KAZN: variants seen among roughly 807,000 people sequenced by gnomAD.
KAZN encodes the protein kazrin, periplakin interacting protein.
KAZN carries 40 observed loss-of-function variants against 87.4 expected under a neutral mutation model. The observed-to-expected ratio is 0.46, with a 90% CI of 0.36 to 0.60. The LOEUF (loss-of-function observed/expected upper bound fraction) is 0.60. Among genes scored for constraint, KAZN ranks in the 20% least tolerant of loss-of-function variants. KAZN has a pLI of 0.00. For missense variants in KAZN, 898 were observed against 1,073.9 expected, an observed-to-expected ratio of 0.84 and a Z score of 2.29; for synonymous variants, 466 against 458.3, an observed-to-expected ratio of 1.02 and a Z score of -0.22.
chr1:14,796,277 C>T (rs947397339), intron 1 of KAZN, among the ~76,000 whole-genome samples: 1 of 152,220 alleles, frequency 6.6e-6, no homozygotes, highest in Non-Finnish European at 1.5e-5. Context: ...CACCCTCTCC[C>T]CACCCACACC....
chr1:14,962,539 T>C (rs554405772), intron 2 of KAZN, among the ~76,000 whole-genome samples: 1 of 152,260 alleles, frequency 6.6e-6, no homozygotes, highest in Admixed American at 6.5e-5. Context: ...TCCTGTAATA[T>C]CCATTCTCCT....
chr1:14,082,961 C>T (rs748060272), intron 1 of KAZN, among the ~76,000 whole-genome samples: 3 of 152,106 alleles, frequency 2.0e-5, no homozygotes, highest in Non-Finnish European at 4.4e-5. Context: ...TTTGGGAGGC[C>T]GAGGCGGGTG....
intron 1 of KAZN, among the ~76,000 whole-genome samples, chr1:14,958,867 G>A (rs529674407): frequency 3.0e-4 from 45 of 152,308 alleles, no homozygotes; most frequent in Non-Finnish European, 5.7e-4. Context: ...TCCGTGCAGA[G>A]GGTGGGACGG....
intron 1 of KAZN, among the ~76,000 whole-genome samples, chr1:14,878,798 T>TCTGGAA (rs1325149011): frequency 6.6e-6 from 1 of 152,164 alleles, no homozygotes; most frequent in Non-Finnish European, 1.5e-5. Context: ...TCCCAGTTGC[T>TCTGGAA]CTGGGAACAC....
chr1:14,826,539 G>A (rs746955502), intron 1 of KAZN, among the ~76,000 whole-genome samples: 2 of 152,168 alleles, frequency 1.3e-5, no homozygotes, highest in African/African-American at 4.8e-5. Context: ...CTGATGGCCC[G>A]TTCCCCATGG....
chr1:14,596,257 T>C (rs1676501132), upstream of KAZN, among the ~76,000 whole-genome samples: 1 of 152,100 alleles, frequency 6.6e-6, no homozygotes, highest in Non-Finnish European at 1.5e-5. Flanking sequence ...TAAATTACTG[T>C]TTCTTCTGCT....
chr1:15,046,260 T>C (rs1009344737), intron 4 of KAZN, among the ~76,000 whole-genome samples: 6 of 141,520 alleles, frequency 4.2e-5, no homozygotes, highest in South Asian at 2.2e-4. Context: ...GTCAAGCCGC[T>C]GCACTCCAGC....
intron 2 of KAZN, among the ~76,000 whole-genome samples, chr1:15,010,690 C>T (rs532533930): frequency 2.1e-3 from 314 of 152,214 alleles, no homozygotes; most frequent in Non-Finnish European, 3.6e-3. Flanking sequence ...ACTCCCGGCC[C>T]GTCTTGCTTT....
In KAZN at chr1:15,082,663, T is replaced by C. The variant is rs564361981; in HGVS notation, c.1223-11517T>C. Among the ~76,000 whole-genome samples the C allele has an allele frequency of 1.4e-4, 21 of 152,254 alleles. 1 individual carries two copies. Among genetic ancestry groups the C allele is most frequent in the African/African-American group, 5.1e-4 (21 of 41,546 alleles). ...TGGGCATAGGAGAATTTACAAGGCC[T>C]TTACCTCTAAGCCTCTGCAGTTTGT... On this transcript the variant is annotated intron_variant, in intron 8 of 14. Coordinates refer to ENST00000376030, the MANE Select transcript of KAZN (RefSeq NM_201628.3).
intron 1 of KAZN, among the ~76,000 whole-genome samples, chr1:14,027,120 C>T (rs1025942472): frequency 2.0e-5 from 3 of 152,210 alleles, no homozygotes; most frequent in South Asian, 2.1e-4. Flanking sequence ...GACAGCATAT[C>T]GTATTTCAAA....
chr1:14,587,269 C>T (rs1055791324), intron 2 of KAZN, among the ~76,000 whole-genome samples: 1 of 151,868 alleles, frequency 6.6e-6, no homozygotes, highest in African/African-American at 2.4e-5. Flanking sequence ...AACCCCATCT[C>T]TACTAAAAAT....
intron 1 of KAZN, among the ~76,000 whole-genome samples, chr1:13,995,247 G>A (rs1639459903): frequency 7.8e-6 from 1 of 128,244 alleles, no homozygotes; most frequent in African/African-American, 2.8e-5. Flanking sequence ...CCTAATGATT[G>A]GGAAAAAAGA....
intron 1 of KAZN, among the ~76,000 whole-genome samples, chr1:14,040,314 T>A (rs1334968881): frequency 6.6e-6 from 1 of 152,096 alleles, no homozygotes; most frequent in Non-Finnish European, 1.5e-5. Flanking sequence ...AAGGCCAGGC[T>A]GAATTAGGTG....
At chr1:14,513,586 A>G (rs1019025314) in intron 2 of KAZN, among the ~76,000 whole-genome samples, 3 of 152,226 alleles carry the variant, frequency 2.0e-5, no homozygotes, top group Non-Finnish European at 4.4e-5. Context: ...ATGAAATAGA[A>G]GAATTGCAAA....
intron 1 of KAZN, among the ~76,000 whole-genome samples, chr1:13,983,346 A>G (rs534829016): frequency 6.6e-6 from 1 of 152,346 alleles, no homozygotes; most frequent in East Asian, 1.9e-4. Flanking sequence ...AATCCAGCGC[A>G]GTGCCGGTGG....
chr1:14,672,897 C>G lies in KAZN; in HGVS notation c.226+73674C>G, dbSNP rs1044772600. 6.1e-4 allele frequency among the ~76,000 whole-genome samples: 93 copies of G among 152,310 alleles called. 1 individual carries two copies. Among genetic ancestry groups the G allele is most frequent in the Non-Finnish European group, 4.4e-5 (3 of 68,026 alleles). Reference sequence around the variant, plus strand: ...AGCCTTCTCCGAGATCTGTCTGATGCCCTCTTCTCTGAGCCACAAGCTTCT... The same window carrying G: ...AGCCTTCTCCGAGATCTGTCTGATGGCCTCTTCTCTGAGCCACAAGCTTCT... On this transcript the variant is annotated intron_variant, in intron 1 of 14. Transcript: ENST00000376030.
intron 2 of KAZN, among the ~76,000 whole-genome samples, chr1:14,290,554 G>A (rs1047801226): frequency 2.0e-5 from 3 of 152,144 alleles, no homozygotes; most frequent in Non-Finnish European, 2.9e-5. Flanking sequence ...TCTCTACACT[G>A]TTTGTTCTAG....
At position 14,923,195 on chromosome 1, in the gene KAZN, C is replaced by T. The variant is rs1306424922; in HGVS notation, c.227-37489C>T. Among the ~76,000 whole-genome samples the T allele has an allele frequency of 6.6e-6, 1 of 152,178 alleles. No individual in the cohort carries two copies. Among genetic ancestry groups the T allele is most frequent in the Non-Finnish European group, 1.5e-5 (1 of 68,032 alleles). On this transcript the variant is annotated intron_variant, in intron 1 of 14. Transcript: ENST00000376030. The surrounding 1 kb of genome is among the most constrained non-coding windows in gnomAD (Gnocchi z 4.2). ...GGGCTCCATGAGTGTGTGACTGACT[C>T]CTCACCTGGCTGTGTGGCCTCGGCT...
chr1:14,074,364 C>A (rs1217897060), intron 1 of KAZN, among the ~76,000 whole-genome samples: 3 of 152,168 alleles, frequency 2.0e-5, no homozygotes, highest in Non-Finnish European at 4.4e-5. Flanking sequence ...ATGTGGATAT[C>A]CTAACCTCCA....
Sources: gnomAD v4.1 joint callset for allele counts (sites outside exome capture counted in the v4.1 genomes callset) on GRCh38, gnomAD v4.1.1 for gene constraint, Gnocchi (gnomAD v3.1) non-coding constraint, MANE v1.5 for transcripts, NCBI Gene and HGNC (gene_info 2026-07-23, HGNC 2026-07-21) for gene names.